The following TBC1D8 variants were observed in gnomAD, a reference collection of about 807,000 sequenced individuals.
TBC1D8 encodes BUB2-like protein 1.
A neutral mutation model predicts 118.8 loss-of-function variants in TBC1D8; 65 were observed. The observed-to-expected ratio is 0.55, with a 90% CI of 0.45 to 0.67. The LOEUF (loss-of-function observed/expected upper bound fraction) is 0.67, where lower values mean the gene tolerates loss of function less well. Ranked by LOEUF, TBC1D8 falls within the 30% of genes least tolerant of loss-of-function variation. The pLI is 0.00. For synonymous variants in TBC1D8, 566 were observed against 595.8 expected (o/e 0.95, Z 0.73); for missense variants, 1,376 against 1,471.2 (o/e 0.94, Z 1.06).
At chr2:101,028,649 ACT>A (rs1222776538) in intron 12 of TBC1D8, 2 of 517,834 alleles carry the variant, frequency 3.9e-6, no homozygotes, top group Non-Finnish European at 6.6e-6. Context: ...CAGGCCTGAA[ACT>A]CTCCAGTGAA....
chr2:101,098,128 C>T (rs1374638058), intron 1 of TBC1D8, among the ~76,000 whole-genome samples: 1 of 152,090 alleles, frequency 6.6e-6, no homozygotes, highest in Non-Finnish European at 1.5e-5. Context: ...GATGGTTGCT[C>T]GCACCTGTAA....
At chr2:101,044,037 G>A (rs1360503675) in intron 5 of TBC1D8, among the ~76,000 whole-genome samples, 2 of 152,106 alleles carry the variant, frequency 1.3e-5, no homozygotes, top group Admixed American at 6.5e-5. Context: ...GAGTTCAATC[G>A]GCTTCTCTCT....
chr2:101,142,890 C>T (rs1679167163), intron 1 of TBC1D8, among the ~76,000 whole-genome samples: 2 of 152,050 alleles, frequency 1.3e-5, no homozygotes, highest in Admixed American at 1.3e-4. Flanking sequence ...TATTTTTTTA[C>T]TTACAGGTGG....
rs766271741 is a variant in TBC1D8 at position 101,007,863 on chromosome 2, C to CATT, written c.3423_3425dup (p.Glu1141_Met1142insIle). 1 of 1,612,108 alleles carries CATT rather than the reference C, an allele frequency of 6.2e-7. No homozygotes were observed. Among genetic ancestry groups the CATT allele is most frequent in the Non-Finnish European group, 8.5e-7 (1 of 1,179,876 alleles). On this transcript the variant is annotated inframe_insertion, in exon 20 of 20. Coordinates refer to ENST00000409318, the MANE Select transcript of TBC1D8 (RefSeq NM_001330348.2). ...TAAGTTCAGATTGTGATTGGTGGCT[C>CATT]ATTTCAAAAGTTTTGAGATTGTACT...
chr2:101,105,949 A>C (rs1271639772), intron 1 of TBC1D8, among the ~76,000 whole-genome samples: 6 of 152,162 alleles, frequency 3.9e-5, no homozygotes, highest in Non-Finnish European at 8.8e-5. Context: ...TAATTATCTA[A>C]AACTGGATGC....
intron 1 of TBC1D8, among the ~76,000 whole-genome samples, chr2:101,110,193 T>C (rs1245036961): frequency 6.6e-6 from 1 of 152,230 alleles, no homozygotes; most frequent in African/African-American, 2.4e-5. Context: ...TGCACAGTGA[T>C]GGTACTAAGT....
chr2:101,143,368 C>CT (rs1295402518), intron 1 of TBC1D8, among the ~76,000 whole-genome samples: 2 of 151,886 alleles, frequency 1.3e-5, no homozygotes, highest in East Asian at 3.9e-4. Flanking sequence ...GACACCTTTC[C>CT]TTTTTTTTAA....
chr2:101,079,680 G>GTTTTTTTTTTTTTTTTTTTTTTTTTTT (rs35466679), intron 2 of TBC1D8, among the ~76,000 whole-genome samples: 1 of 81,794 alleles, frequency 1.2e-5, no homozygotes, highest in Non-Finnish European at 2.2e-5. Context: ...GTCCAGTCTG[G>GTTTTTTTTTTTTTTTTTTTTTTTTTTT]TTTTTTTTTT....
At position 101,091,146 on chromosome 2, in the gene TBC1D8, G is replaced by A. The variant is rs59729293; in HGVS notation, c.128-782C>T. On this transcript the variant is annotated intron_variant, in intron 1 of 19. Transcript: ENST00000409318. ...AAAATTACAAAAAAATTAGCTGGGC[G>A]TGGTGGCAGGCACCTGTAATCCCAG... Among the ~76,000 whole-genome samples the A allele has an allele frequency of 9.0e-3, 1,376 of 152,182 alleles. 23 individuals are homozygous for A. The highest frequency in any genetic ancestry group is 0.031 in the African/African-American group (1,297 of 41,508).
At position 101,078,714 on chromosome 2, in the gene TBC1D8, CA is replaced by C. The variant is rs34903828; in HGVS notation, c.283+11494del. Among the ~76,000 whole-genome samples, 664 of 80,192 alleles carry C rather than the reference CA, an allele frequency of 8.3e-3. 13 individuals carry two copies. The East Asian group carries it at 0.087, about 10-fold the overall frequency. 52.6% of individuals were successfully genotyped at this position (80,192 alleles called of 152,430 possible). Reference sequence around the variant, plus strand: ...GGGACATCTTTGAAAATCTTCATAACAAAAAAAAAAAAGGAAAGAAAAGAAA... The same window carrying C: ...GGGACATCTTTGAAAATCTTCATAACAAAAAAAAAAAGGAAAGAAAAGAAA... On this transcript the variant is annotated intron_variant, in intron 2 of 19. Coordinates refer to ENST00000409318, the MANE Select transcript of TBC1D8 (RefSeq NM_001330348.2).
chr2:101,052,108 A>G (rs1417331360), intron 4 of TBC1D8, among the ~76,000 whole-genome samples: 1 of 152,248 alleles, frequency 6.6e-6, no homozygotes, highest in African/African-American at 2.4e-5. Context: ...CTGGTTTCAA[A>G]AACAGCATTC....
At chr2:101,077,733 C>T (rs1268089466) in intron 2 of TBC1D8, among the ~76,000 whole-genome samples, 1 of 152,156 alleles carries the variant, frequency 6.6e-6, no homozygotes, top group Non-Finnish European at 1.5e-5. Flanking sequence ...GTTAGGAACA[C>T]AGATCCAAAC....
chr2:101,037,748 A>C, intron 7 of TBC1D8, 40 bp from the exon 8 acceptor site: 1 of 1,605,916 alleles, frequency 6.2e-7, no homozygotes, highest in Non-Finnish European at 8.5e-7. Context: ...GAGAGAGGAG[A>C]GGAGAAAATC....
intron 2 of TBC1D8, chr2:101,068,552 T>C: frequency 1.8e-6 from 1 of 550,680 alleles, no homozygotes. Context: ...ACTTTTACCC[T>C]TAAAATCTCT....
Position 101,058,990 on chromosome 2 carries a change from C to A in TBC1D8, c.402+431G>T, listed in dbSNP as rs866466692. 5.9e-5 allele frequency among the ~76,000 whole-genome samples: 9 copies of A among 152,142 alleles called. 1 individual carries two copies. The Middle Eastern group carries it at 0.014, about 230-fold the overall frequency. On this transcript the variant is annotated intron_variant, in intron 3 of 19. Transcript: ENST00000409318. ...GCTCTGTCTCGGCTCACTGCAAGCA[C>A]CACCTCCCGGGTTCACGCCATTCTC...
chr2:101,053,921 A>G (rs1305654095), intron 4 of TBC1D8, among the ~76,000 whole-genome samples, 187 bp downstream of exon 4: 4 of 152,262 alleles, frequency 2.6e-5, no homozygotes, highest in Non-Finnish European at 4.4e-5. Flanking sequence ...AGCAGTAGAA[A>G]AAGTGAATTC....
chr2:101,041,971 G>A (rs1195042910), intron 5 of TBC1D8, among the ~76,000 whole-genome samples: 1 of 151,876 alleles, frequency 6.6e-6, no homozygotes, highest in Non-Finnish European at 1.5e-5. Flanking sequence ...GTTGCAGTGA[G>A]TCGAGATCGC....
chr2:101,042,631 C>A (rs909443295), intron 5 of TBC1D8, among the ~76,000 whole-genome samples: 13 of 151,936 alleles, frequency 8.6e-5, no homozygotes, highest in Non-Finnish European at 1.6e-4. Context: ...AATTTCCAGA[C>A]AGAGATGTGT....
intron 2 of TBC1D8, among the ~76,000 whole-genome samples, chr2:101,067,186 A>C (rs576159525): frequency 8.5e-5 from 13 of 152,296 alleles, no homozygotes; most frequent in African/African-American, 2.6e-4. Context: ...TGCTAAATCT[A>C]AACAACCAGC....
Sources: gnomAD v4.1 joint callset for allele counts (sites outside exome capture counted in the v4.1 genomes callset) on GRCh38, gnomAD v4.1.1 for gene constraint, MANE v1.5 for transcripts, NCBI Gene and HGNC (gene_info 2026-07-23, HGNC 2026-07-21) for gene names.